Variants in EMC3 observed in about 807,000 individuals in gnomAD.
EMC3 encodes the protein ER membrane protein complex subunit 3.
EMC3 carries 13 observed loss-of-function variants against 36.6 expected under a neutral mutation model. That is an observed-to-expected ratio of 0.35 (90% CI 0.23 to 0.56). The LOEUF is 0.56. Ranked by LOEUF, EMC3 falls within the 20% of genes least tolerant of loss-of-function variation. The pLI, the probability that EMC3 is intolerant of heterozygous loss-of-function variation, is 0.84. For missense variants in EMC3, 220 were observed against 324.5 expected, an observed-to-expected ratio of 0.68 and a Z score of 2.47; for synonymous variants, 120 against 111.9, an observed-to-expected ratio of 1.07 and a Z score of -0.46.
intron 1 of EMC3, among the ~76,000 whole-genome samples, chr3:9,985,843 G>A (rs1268361752): frequency 1.3e-5 from 2 of 152,166 alleles, no homozygotes; most frequent in Non-Finnish European, 2.9e-5. Flanking sequence ...GCAGTGAGCT[G>A]AGATGACGCC....
intron 1 of EMC3, among the ~76,000 whole-genome samples, chr3:9,999,959 A>G (rs2086176711): frequency 6.6e-6 from 1 of 152,194 alleles, no homozygotes; most frequent in African/African-American, 2.4e-5. Flanking sequence ...CAGTATTTAA[A>G]TATATTCACA....
intron 4 of EMC3, 31 bp from the exon 5 acceptor site, chr3:9,973,740 T>C (rs1163309794): frequency 1.3e-6 from 2 of 1,584,146 alleles, no homozygotes; most frequent in Admixed American, 3.3e-5. Flanking sequence ...ACAATCACTC[T>C]GAGCTGTTTT....
At chr3:9,973,859 GA>G (rs1454070282) in intron 4 of EMC3, 150 bp from the exon 5 acceptor site, 2 of 722,768 alleles carry the variant, frequency 2.8e-6, no homozygotes, top group African/African-American at 3.5e-5. Flanking sequence ...CTGAAGAAAA[GA>G]CAGTCAAAAT....
In EMC3 at chr3:9,964,110, C is replaced by T. The variant is rs747902918; in HGVS notation, c.745G>A (p.Glu249Lys). The change falls in exon 8 of 8, where the codon GAA (glutamate) becomes AAA (lysine). Residue 249 changes from glutamate to lysine, a missense_variant. Coordinates refer to ENST00000245046, the MANE Select transcript of EMC3 (RefSeq NM_001394674.1). ...TGTAATTCCTTTTTGAACATGCCTT[C>T]GAAGTGGAGGTCTTTGGCCATGAGC... ...EELMAKDLHF[E>K]GMFKKELQTS... is the part of the protein sequence containing the mutation. The T allele has an allele frequency of 1.8e-5, 29 of 1,614,008 alleles. 1 individual carries two copies. In the South Asian group the frequency reaches 2.3e-4, roughly 13 times the overall value.
intron 1 of EMC3, among the ~76,000 whole-genome samples, chr3:9,996,944 A>G (rs1237363298): frequency 2.0e-5 from 3 of 152,208 alleles, no homozygotes; most frequent in Non-Finnish European, 4.4e-5. Context: ...ATAACGTAAA[A>G]TATACCATTT....
At chr3:9,991,341 A>G (rs996374061), upstream of EMC3, among the ~76,000 whole-genome samples, 1 of 152,200 alleles carries the variant, frequency 6.6e-6, no homozygotes, top group Admixed American at 6.5e-5. Flanking sequence ...GATGTAAAAA[A>G]TACAGTTTTT....
chr3:9,980,136 T>C (rs1559352671), intron 1 of EMC3, among the ~76,000 whole-genome samples: 1 of 151,706 alleles, frequency 6.6e-6, no homozygotes, highest in Non-Finnish European at 1.5e-5. Context: ...GCCTCAGCCT[T>C]CAGAGTAGCT....
At chr3:9,983,570 G>C (rs2085935528) in intron 1 of EMC3, among the ~76,000 whole-genome samples, 1 of 152,044 alleles carries the variant, frequency 6.6e-6, no homozygotes, top group African/African-American at 2.4e-5. Context: ...CACTCGAGAG[G>C]TTGAGGCAGG....
intron 1 of EMC3, among the ~76,000 whole-genome samples, chr3:9,983,764 A>G (rs2085938528): frequency 6.6e-6 from 1 of 152,212 alleles, no homozygotes; most frequent in Non-Finnish European, 1.5e-5. Flanking sequence ...ATAATTCAGA[A>G]CCATTGCTCT....
chr3:9,963,409 ATAAT>A lies in EMC3; in HGVS notation c.*656_*659del, dbSNP rs2085705041. 6.7e-6 allele frequency: 1 copy of A among 150,208 alleles called. No homozygotes were observed. The highest frequency in any genetic ancestry group is 2.1e-4 in the South Asian group (1 of 4,778). 9.3% of individuals were successfully genotyped at this position (150,208 alleles called of 1,614,324 possible). On this transcript the variant is annotated 3_prime_UTR_variant, in exon 8 of 8. Transcript: ENST00000245046. ...GGCTGACTGCACATAATCATTAGCT[ATAAT>A]TAACAATGCTTCCTTCGAAGACTGG... is the stretch of plus-strand genomic sequence containing the variant.
chr3:9,994,276 T>G lies in EMC3; in HGVS notation c.-241-7374A>C, dbSNP rs577855588. 1,626 of 1,199,358 alleles carry G rather than the reference T, an allele frequency of 1.4e-3. 14 individuals are homozygous for G. The highest frequency in any genetic ancestry group is 0.01 in the South Asian group (839 of 82,958). The allele number at this position is 1,199,358 out of a possible 1,614,324, so 74.3% of individuals were successfully genotyped here. ...TAGAGTAGAATTTCATTTGGCAGTCTCCTATACAAATAATGTGTTTATGTT... is the reference window on the plus strand; with the variant it reads ...TAGAGTAGAATTTCATTTGGCAGTCGCCTATACAAATAATGTGTTTATGTT... On this transcript the variant is annotated intron_variant, in intron 1 of 8. Coordinates refer to the EMC3 transcript ENST00000470827.
At chr3:9,981,236 C>T (rs781868) in intron 1 of EMC3, among the ~76,000 whole-genome samples, 148,229 of 152,280 alleles carry the variant, frequency 0.97, 72,164 homozygotes, top group East Asian at 1. Flanking sequence ...AGACCCTGTC[C>T]CCAGAAAAAC....
Position 9,965,003 on chromosome 3 carries a change from T to G in EMC3, c.658-806A>C, listed in dbSNP as rs148314121. Among the ~76,000 whole-genome samples the G allele has an allele frequency of 3.7e-3, 562 of 151,974 alleles. 11 individuals are homozygous for G. The South Asian group carries it at 0.046, about 12-fold the overall frequency. ...CTACAGTCCCAGCTACTCTGGAGGC[T>G]GAGGCTAAGGATAGCTTGAGCCCAG... On this transcript the variant is annotated intron_variant, in intron 7 of 7. Transcript: ENST00000245046.
chr3:10,009,561 C>T (rs1460422083), intron 1 of EMC3, among the ~76,000 whole-genome samples: 1 of 152,216 alleles, frequency 6.6e-6, no homozygotes, highest in Non-Finnish European at 1.5e-5. Flanking sequence ...AGAAGCATCA[C>T]GGGGTGGAGG....
At chr3:10,004,858 C>T (rs2086247051) in intron 1 of EMC3, 1 of 152,294 alleles carries the variant, frequency 6.6e-6, no homozygotes, top group Non-Finnish European at 1.5e-5. Flanking sequence ...GGGGTATTGT[C>T]ACCGACAGTG....
intron 1 of EMC3, among the ~76,000 whole-genome samples, chr3:9,979,912 G>C (rs2085890853): frequency 6.6e-6 from 1 of 151,974 alleles, no homozygotes; most frequent in African/African-American, 2.4e-5. Context: ...CCTGAGAAAA[G>C]GCCACATGAC....
intron 6 of EMC3, among the ~76,000 whole-genome samples, chr3:9,970,264 A>T (rs1045460731): frequency 6.6e-6 from 1 of 152,226 alleles, no homozygotes; most frequent in Non-Finnish European, 1.5e-5. Flanking sequence ...CAAGGGCTCT[A>T]GTCAATGAAC....
At chr3:9,990,762 C>G (rs1209856931), upstream of EMC3, among the ~76,000 whole-genome samples, 1 of 152,114 alleles carries the variant, frequency 6.6e-6, no homozygotes, top group Non-Finnish European at 1.5e-5. Context: ...ACCCACCTGC[C>G]TCAGCCTCCC....
chr3:9,984,549 G>A (rs2085949522), intron 1 of EMC3, among the ~76,000 whole-genome samples: 1 of 151,052 alleles, frequency 6.6e-6, no homozygotes, highest in South Asian at 2.1e-4. Flanking sequence ...AGCATACCAC[G>A]CTCAGCTAAT....
Sources: allele counts gnomAD v4.1 joint callset (sites outside exome capture counted in the v4.1 genomes callset), GRCh38; gene constraint gnomAD v4.1.1; transcripts MANE v1.5; gene names NCBI Gene and HGNC (gene_info 2026-07-23, HGNC 2026-07-21).